EXOC4: variants seen among roughly 807,000 people sequenced by gnomAD.
EXOC4 encodes the protein exocyst complex component 4.
A neutral mutation model predicts 107.2 loss-of-function variants in EXOC4; 71 were observed. That is an observed-to-expected ratio of 0.66 (90% confidence interval 0.55 to 0.81). The LOEUF is 0.81. EXOC4 is among the 30% of genes least tolerant of loss of function. The pLI is 0.00. For synonymous variants in EXOC4, 456 were observed against 441.2 expected, an observed-to-expected ratio of 1.03 and a Z score of -0.42; for missense variants, 1,108 against 1,189.6, an observed-to-expected ratio of 0.93 and a Z score of 1.01.
intron 9 of EXOC4, among the ~76,000 whole-genome samples, chr7:133,518,155 A>G (rs777916398): frequency 1.3e-5 from 2 of 151,886 alleles, no homozygotes; most frequent in Admixed American, 6.6e-5. Flanking sequence ...CTTGCATCAT[A>G]TTTGCTAGTA....
intron 15 of EXOC4, 58 bp from the exon 16 acceptor site, chr7:134,004,854 A>G (rs780935873): frequency 3.4e-6 from 5 of 1,450,748 alleles, no homozygotes; most frequent in South Asian, 1.3e-5. Flanking sequence ...TCCCAAGATC[A>G]TTGCCCTCCC....
At chr7:133,645,661 A>G (rs1377972011) in intron 10 of EXOC4, among the ~76,000 whole-genome samples, 1 of 147,210 alleles carries the variant, frequency 6.8e-6, no homozygotes, top group African/African-American at 2.5e-5. Flanking sequence ...CAGAACCAGG[A>G]TATCAAGAAC....
At chr7:133,549,682 C>G (rs1800550188) in intron 9 of EXOC4, among the ~76,000 whole-genome samples, 1 of 152,076 alleles carries the variant, frequency 6.6e-6, no homozygotes, top group African/African-American at 2.4e-5. Context: ...TACAGGGTTG[C>G]CACAAACCTT....
intron 9 of EXOC4, among the ~76,000 whole-genome samples, chr7:133,494,856 G>T (rs6979546): frequency 0.85 from 129,443 of 152,194 alleles, 55,374 homozygotes; most frequent in East Asian, 0.95. Flanking sequence ...TTTAAGTAAC[G>T]TCTACTTTTC....
intron 13 of EXOC4, among the ~76,000 whole-genome samples, chr7:133,924,929 G>C (rs139767359): frequency 3.3e-4 from 51 of 152,322 alleles, no homozygotes; most frequent in African/African-American, 1.1e-3. Flanking sequence ...TTTGGTATAT[G>C]ATTGACTCTT....
chr7:133,628,008 A>G (rs1802499028), intron 9 of EXOC4, among the ~76,000 whole-genome samples: 1 of 152,206 alleles, frequency 6.6e-6, no homozygotes, highest in Non-Finnish European at 1.5e-5. Flanking sequence ...ATTAAGATAG[A>G]TAATAAATCA....
intron 17 of EXOC4, among the ~76,000 whole-genome samples, chr7:134,048,966 T>C (rs891192967): frequency 2.8e-5 from 4 of 142,990 alleles, no homozygotes; most frequent in South Asian, 2.2e-4. Context: ...TCTAAAACAG[T>C]TGTCATCATG....
Position 133,964,643 on chromosome 7 carries a change from G to A in EXOC4, c.2206+26574G>A, listed in dbSNP as rs146990270. Reference sequence around the variant, plus strand: ...GGTTTCCAGCTTCATCCATGTCCCTGCAAAGGACATGAACTCATCCTTTTT... The same window carrying A: ...GGTTTCCAGCTTCATCCATGTCCCTACAAAGGACATGAACTCATCCTTTTT... On this transcript the variant is annotated intron_variant, in intron 14 of 17. Transcript: ENST00000253861. 2.1e-3 allele frequency among the ~76,000 whole-genome samples: 324 copies of A among 152,224 alleles called. 3 individuals carry two copies. The highest frequency in any genetic ancestry group is 7.5e-3 in the African/African-American group (310 of 41,546).
chr7:133,404,152 T>A (rs753891981), intron 7 of EXOC4, among the ~76,000 whole-genome samples: 1 of 152,122 alleles, frequency 6.6e-6, no homozygotes, highest in Non-Finnish European at 1.5e-5. Context: ...CAGGCTGGAG[T>A]GCAGAGGCAC....
chr7:133,459,823 A>G (rs1798547333), intron 7 of EXOC4, among the ~76,000 whole-genome samples: 1 of 152,222 alleles, frequency 6.6e-6, no homozygotes, highest in African/African-American at 2.4e-5. Flanking sequence ...ATCAACAGAC[A>G]TATCATTTAA....
chr7:133,874,502 C>G (rs1317284289), intron 11 of EXOC4, among the ~76,000 whole-genome samples: 1 of 152,144 alleles, frequency 6.6e-6, no homozygotes, highest in South Asian at 2.1e-4. Flanking sequence ...GGCACACTTG[C>G]TTGCACACTC....
At chr7:133,413,945 A>T (rs1797417607) in intron 7 of EXOC4, among the ~76,000 whole-genome samples, 1 of 152,134 alleles carries the variant, frequency 6.6e-6, no homozygotes, top group Non-Finnish European at 1.5e-5. Context: ...CTTGAAGCAG[A>T]TATAAAAATC....
At chr7:133,445,439 C>T (rs1798196344) in intron 7 of EXOC4, among the ~76,000 whole-genome samples, 1 of 152,090 alleles carries the variant, frequency 6.6e-6, no homozygotes, top group African/African-American at 2.4e-5. Context: ...AAACACAACT[C>T]AAAATTGTTA....
intron 17 of EXOC4, among the ~76,000 whole-genome samples, chr7:134,059,437 A>G (rs748121773): frequency 2.6e-5 from 4 of 152,206 alleles, no homozygotes; most frequent in Non-Finnish European, 5.9e-5. Context: ...CAATTCATTT[A>G]TACATACACG....
rs1371732321 is a variant in EXOC4 at position 133,844,378 on chromosome 7, C to CAT, written c.1734+26834_1734+26835insAT. On this transcript the variant is annotated intron_variant, in intron 11 of 17. Transcript: ENST00000253861. ...TAATTTCTTGGATTCCCACATATTC[C>CAT]TTTTTTTTTTTTTTTTTTTTTTTTT... Among the ~76,000 whole-genome samples the CAT allele has an allele frequency of 4.5e-3, 375 of 83,396 alleles. 4 individuals carry two copies. Among genetic ancestry groups the CAT allele is most frequent in the Middle Eastern group, 7.5e-3 (1 of 134 alleles). 54.7% of individuals were successfully genotyped at this position (83,396 alleles called of 152,430 possible).
intron 7 of EXOC4, among the ~76,000 whole-genome samples, chr7:133,393,864 T>C (rs974235913): frequency 2.7e-4 from 41 of 152,234 alleles, no homozygotes; most frequent in African/African-American, 9.6e-4. Context: ...GAATTTTAAA[T>C]GCTTTGTAAA....
At chr7:133,451,249 A>G (rs907047912) in intron 7 of EXOC4, among the ~76,000 whole-genome samples, 5 of 150,730 alleles carry the variant, frequency 3.3e-5, no homozygotes, top group African/African-American at 9.8e-5. Context: ...TTTTGCATTC[A>G]TAGATATTTG....
intron 10 of EXOC4, among the ~76,000 whole-genome samples, chr7:133,780,845 C>A (rs1403606554): frequency 6.6e-6 from 1 of 152,194 alleles, no homozygotes; most frequent in African/African-American, 2.4e-5. Context: ...GGCTGCCACA[C>A]CCCTGTTAGC....
At chr7:133,297,069 G>C (rs1794536206) in intron 3 of EXOC4, among the ~76,000 whole-genome samples, 1 of 152,148 alleles carries the variant, frequency 6.6e-6, no homozygotes, top group Non-Finnish European at 1.5e-5. Context: ...TGGAAACCAA[G>C]TATTTATGTA....
Sources: gnomAD v4.1 joint callset for allele counts (sites outside exome capture counted in the v4.1 genomes callset) on GRCh38, gnomAD v4.1.1 for gene constraint, MANE v1.5 for transcripts, NCBI Gene and HGNC (gene_info 2026-07-23, HGNC 2026-07-21) for gene names.